Variants in USP50 observed in about 807,000 individuals in gnomAD.
USP50 encodes ubiquitin specific peptidase 50.
A neutral mutation model predicts 39.2 loss-of-function variants in USP50; 37 were observed. The ratio of observed to expected loss-of-function variants is 0.94; its 90% CI spans 0.73 to 1.24. The LOEUF (loss-of-function observed/expected upper bound fraction) is 1.24. Among genes scored for constraint, USP50 ranks in the 50% most tolerant of loss-of-function variants. USP50 has a pLI of 0.00. For missense variants in USP50, 374 were observed against 398.2 expected (o/e 0.94, Z 0.52); for synonymous variants, 139 against 144.5 (o/e 0.96, Z 0.27).
chr15:50,541,288 C>A (rs754469367), intron 3 of USP50, 24 bp from the exon 4 acceptor site: 2 of 1,583,128 alleles, frequency 1.3e-6, no homozygotes, highest in Non-Finnish European at 8.7e-7. Context: ...CAAATTTCAC[C>A]CAAATTAATT....
At chr15:50,497,947 A>G (rs2052480324), downstream of USP50, among the ~76,000 whole-genome samples, 1 of 152,160 alleles carries the variant, frequency 6.6e-6, no homozygotes, top group Non-Finnish European at 1.5e-5. Context: ...CCAAATTTAC[A>G]TGTTCAGATT....
intron 6 of USP50, chr15:50,504,152 T>C (rs1188322479): frequency 2.6e-5 from 4 of 152,174 alleles, no homozygotes; most frequent in African/African-American, 7.2e-5. Flanking sequence ...ATTTACATAG[T>C]ATTTATATTG....
chr15:50,505,799 AAAT>A (rs1382213566), intron 6 of USP50: 6 of 152,348 alleles, frequency 3.9e-5, no homozygotes, highest in Admixed American at 3.3e-4. Flanking sequence ...TCTCTAAAAA[AAAT>A]AAAAAAGTTG....
chr15:50,516,898 T>C lies in USP50; in HGVS notation c.936+12899A>G, dbSNP rs527469482. On this transcript the variant is annotated intron_variant, in intron 6 of 6. Coordinates refer to ENST00000532404, the MANE Select transcript of USP50 (RefSeq NM_203494.5). ...CTATTATAAATATATATGCACCTAA[T>C]GTTAGAGCACCTAAACATATAAAGC... Among the ~76,000 whole-genome samples the C allele has an allele frequency of 1.9e-4, 29 of 152,224 alleles. 1 individual carries two copies. The South Asian group carries it at 6.0e-3, about 32-fold the overall frequency.
downstream of USP50, chr15:50,493,628 C>A: frequency 2.5e-6 from 1 of 397,456 alleles, no homozygotes. Flanking sequence ...GCCTATAGTC[C>A]CTGCTACTTG....
chr15:50,498,303 C>T, downstream of USP50: 2 of 243,622 alleles, frequency 8.2e-6, no homozygotes, highest in Non-Finnish European at 1.6e-5. Flanking sequence ...TGGGTCTTAC[C>T]TTCCTAGAAG....
chr15:50,497,157 C>G (rs1257640792), downstream of USP50: 1 of 1,610,376 alleles, frequency 6.2e-7, no homozygotes. Flanking sequence ...GCAGTCATTG[C>G]AGAGCTCGAC....
chr15:50,512,176 AC>A (rs1045844992), intron 6 of USP50: 3 of 151,556 alleles, frequency 2.0e-5, no homozygotes, highest in Admixed American at 2.0e-4. Context: ...GTGAAACCCC[AC>A]CTCTACTAAA....
rs2053048086 is a variant in USP50, at chr15:50,543,717, G to A, written c.325C>T (p.Pro109Ser). The change falls in exon 3 of 7, where the codon CCA becomes TCA. Residue 109 changes from proline to serine, a missense_variant. Coordinates refer to ENST00000532404, the MANE Select transcript of USP50 (RefSeq NM_203494.5). ...MWLGDSDCVS[P>S]EIFWSALGNL... ...CCAAGAGCTGACCAGAATATTTCTG[G>A]TGAGACACAGTCTGAGTCTCCCAGC... The A allele has an allele frequency of 6.2e-7, 1 of 1,611,364 alleles. No individual in the cohort carries two copies. Among genetic ancestry groups the A allele is most frequent in the African/African-American group, 1.3e-5 (1 of 74,902 alleles).
At chr15:50,523,335 AT>A (rs1054232176) in intron 6 of USP50, among the ~76,000 whole-genome samples, 15 of 147,174 alleles carry the variant, frequency 1.0e-4, no homozygotes, top group East Asian at 2.0e-4. Flanking sequence ...ATACTTGGCT[AT>A]TTTTTTTTTA....
intron 6 of USP50, chr15:50,504,931 A>C (rs1596003333): frequency 1.3e-5 from 2 of 152,060 alleles, no homozygotes; most frequent in Non-Finnish European, 2.9e-5. Flanking sequence ...GCAGTGAGCC[A>C]AGATCGTGCC....
At chr15:50,524,594 C>G (rs1402213972) in intron 6 of USP50, among the ~76,000 whole-genome samples, 1 of 152,138 alleles carries the variant, frequency 6.6e-6, no homozygotes, top group African/African-American at 2.4e-5. Flanking sequence ...AGAATGGCTA[C>G]TATCAAAAAG....
intron 6 of USP50, among the ~76,000 whole-genome samples, chr15:50,518,859 C>G (rs1184944404): frequency 6.6e-6 from 1 of 152,250 alleles, no homozygotes; most frequent in Non-Finnish European, 1.5e-5. Context: ...AAGCATTCAA[C>G]AGAATGAAGA....
At chr15:50,500,980 C>T in intron 6 of USP50, 143 bp from the exon 7 acceptor site, 1 of 682,576 alleles carries the variant, frequency 1.5e-6, no homozygotes, top group Non-Finnish European at 2.5e-6. Flanking sequence ...TTAAATCATG[C>T]ATATAGCCTG....
At chr15:50,504,019 A>G (rs1342603831) in intron 6 of USP50, 1 of 152,258 alleles carries the variant, frequency 6.6e-6, no homozygotes, top group Admixed American at 6.5e-5. Context: ...GAGAAATACA[A>G]CATAGTTGGC....
At chr15:50,539,635 CGATCTCTT>C (rs1048592921) in intron 4 of USP50, among the ~76,000 whole-genome samples, 5 of 151,304 alleles carry the variant, frequency 3.3e-5, no homozygotes, top group African/African-American at 1.2e-4. Flanking sequence ...GGGATAGTCT[CGATCTCTT>C]GATCTCGTGA....
At chr15:50,502,331 G>C (rs1011118338) in intron 6 of USP50, 1 of 151,836 alleles carries the variant, frequency 6.6e-6, no homozygotes, top group African/African-American at 2.4e-5. Context: ...GGATGGTCTC[G>C]ATCTCGACCT....
chr15:50,530,001 C>T (rs572280781), intron 5 of USP50, 72 bp from the exon 6 acceptor site: 6 of 1,576,918 alleles, frequency 3.8e-6, no homozygotes, highest in Admixed American at 1.8e-5. Context: ...TGACAAATTC[C>T]GAGTATTTTA....
chr15:50,507,500 A>G (rs2052678334), intron 6 of USP50: 1 of 152,186 alleles, frequency 6.6e-6, no homozygotes, highest in Non-Finnish European at 1.5e-5. Flanking sequence ...ATGGTCCCTA[A>G]GATAGAATGC....
Sources: gnomAD v4.1 joint callset for allele counts (sites outside exome capture counted in the v4.1 genomes callset) on GRCh38, gnomAD v4.1.1 for gene constraint, MANE v1.5 for transcripts, NCBI Gene and HGNC (gene_info 2026-07-23, HGNC 2026-07-21) for gene names.